The following DOK6 variants were observed in gnomAD, a reference collection of about 807,000 sequenced individuals.
The protein encoded by DOK6 is downstream of tyrosine kinase 6.
A neutral mutation model predicts 44.0 loss-of-function variants in DOK6; 22 were observed. That is an observed-to-expected ratio of 0.50 (90% CI 0.36 to 0.71). DOK6 has a LOEUF of 0.71. Among genes scored for constraint, DOK6 ranks in the 30% least tolerant of loss-of-function variants. DOK6 has a pLI of 0.00. For missense variants in DOK6, 340 were observed against 416.4 expected (o/e 0.82, Z 1.60); for synonymous variants, 166 against 145.5 (o/e 1.14, Z -1.01).
intron 1 of DOK6, among the ~76,000 whole-genome samples, chr18:69,475,673 T>G (rs1026579182): frequency 6.6e-6 from 1 of 152,208 alleles, no homozygotes; most frequent in African/African-American, 2.4e-5. Flanking sequence ...CATTGTTCAC[T>G]TTATATCTTG....
In DOK6 at chr18:69,739,113, C is replaced by T. The variant is rs139161708; in HGVS notation, c.738+10C>T. The stretch of plus-strand genomic sequence containing the variant: ...GGAACAGAAGGCCCGGGTAAGGCCC[C>T]TTCCTTGGTAACCTATCAGCTTGGA... On this transcript the variant is annotated intron_variant, in intron 6 of 7. Transcript: ENST00000382713. The T allele has an allele frequency of 1.1e-3, 1,832 of 1,613,502 alleles. 10 individuals carry two copies. Among genetic ancestry groups the T allele is most frequent in the Middle Eastern group, 4.1e-3 (25 of 6,050 alleles).
intron 7 of DOK6, chr18:69,831,019 T>C (rs576870230): frequency 2.6e-5 from 4 of 152,114 alleles, no homozygotes; most frequent in Non-Finnish European, 1.5e-5. Context: ...CATATAGATA[T>C]ATAAGAGGAG....
intron 3 of DOK6, chr18:69,660,981 T>A (rs1426069907): frequency 6.6e-6 from 1 of 152,208 alleles, no homozygotes; most frequent in Non-Finnish European, 1.5e-5. Flanking sequence ...TACCTGATAT[T>A]TCTTATGCTT....
intron 1 of DOK6, among the ~76,000 whole-genome samples, chr18:69,416,540 T>G (rs1467261695): frequency 6.6e-6 from 1 of 152,066 alleles, no homozygotes; most frequent in Non-Finnish European, 1.5e-5. Context: ...TTCCTAGAAA[T>G]GCAGCAGAAA....
intron 1 of DOK6, among the ~76,000 whole-genome samples, chr18:69,535,999 A>G (rs1253473219): frequency 6.6e-6 from 1 of 152,176 alleles, no homozygotes; most frequent in Non-Finnish European, 1.5e-5. Flanking sequence ...ATAGAGAGAC[A>G]TAGGGAGAAG....
intron 3 of DOK6, among the ~76,000 whole-genome samples, chr18:69,619,210 C>T (rs1286184857): frequency 6.6e-6 from 1 of 152,196 alleles, no homozygotes; most frequent in African/African-American, 2.4e-5. Context: ...TGCATTTTCA[C>T]GGCTGTGACT....
rs573655847 is a variant in DOK6 at position 69,498,899 on chromosome 18, T to C, written c.67-65588T>C. Among the ~76,000 whole-genome samples the C allele has an allele frequency of 6.6e-5, 10 of 152,300 alleles. No homozygotes were observed. The East Asian group carries it at 1.4e-3, about 21-fold the overall frequency. On this transcript the variant is annotated intron_variant, in intron 1 of 7. Transcript: ENST00000382713. ...CCGTGTATCAGGGTGAGTTGTTACA[T>C]TGATTTTACAAATAAAAGAGAAAAT...
At chr18:69,472,595 C>A (rs1385691207) in intron 1 of DOK6, among the ~76,000 whole-genome samples, 1 of 152,158 alleles carries the variant, frequency 6.6e-6, no homozygotes, top group Non-Finnish European at 1.5e-5. Context: ...AGGAAGTTCT[C>A]CAACTATTTC....
intron 3 of DOK6, among the ~76,000 whole-genome samples, chr18:69,602,363 C>G (rs1005171761): frequency 3.9e-5 from 6 of 152,190 alleles, no homozygotes; most frequent in African/African-American, 1.4e-4. Flanking sequence ...TCAGACACAT[C>G]CCAATGAAGG....
At chr18:69,789,820 CTT>C (rs1443751537) in intron 7 of DOK6, among the ~76,000 whole-genome samples, 2 of 152,140 alleles carry the variant, frequency 1.3e-5, no homozygotes, top group African/African-American at 4.8e-5. Context: ...TTTGTAAACA[CTT>C]TTTCTTCTTT....
At chr18:69,544,560 T>G (rs926333800) in intron 1 of DOK6, among the ~76,000 whole-genome samples, 4 of 151,472 alleles carry the variant, frequency 2.6e-5, no homozygotes, top group Non-Finnish European at 5.9e-5. Context: ...TAGCAGGAAG[T>G]GCCTATCAGA....
At chr18:69,722,058 A>G (rs1471219141) in intron 5 of DOK6, among the ~76,000 whole-genome samples, 1 of 152,220 alleles carries the variant, frequency 6.6e-6, no homozygotes, top group Non-Finnish European at 1.5e-5. Context: ...CCCTCAAAAA[A>G]GACGTGGTGT....
chr18:69,618,733 A>G (rs1000843556), intron 3 of DOK6: 1 of 152,210 alleles, frequency 6.6e-6, no homozygotes, highest in African/African-American at 2.4e-5. Context: ...TCGTGATTCA[A>G]TTATCTCCCA....
chr18:69,771,505 T>C (rs892485143), intron 7 of DOK6, among the ~76,000 whole-genome samples: 1 of 152,036 alleles, frequency 6.6e-6, no homozygotes, highest in Non-Finnish European at 1.5e-5. Context: ...TTATACATTA[T>C]ACATATTATA....
At chr18:69,714,981 A>C (rs1986850287) in intron 5 of DOK6, among the ~76,000 whole-genome samples, 1 of 152,226 alleles carries the variant, frequency 6.6e-6, no homozygotes. Context: ...GTTTTTTTGT[A>C]ATAAATACAA....
intron 3 of DOK6, among the ~76,000 whole-genome samples, chr18:69,667,004 C>T (rs988362269): frequency 4.6e-5 from 7 of 152,178 alleles, no homozygotes; most frequent in African/African-American, 1.2e-4. Flanking sequence ...CCCCCCTCCC[C>T]GCCATCCCAA....
intron 1 of DOK6, among the ~76,000 whole-genome samples, chr18:69,518,630 C>G (rs1485490643): frequency 6.6e-6 from 1 of 151,968 alleles, no homozygotes; most frequent in Non-Finnish European, 1.5e-5. Context: ...GTGGGATATG[C>G]AAAAATATTT....
At chr18:69,495,513 C>A (rs1016920020) in intron 1 of DOK6, among the ~76,000 whole-genome samples, 37 of 152,148 alleles carry the variant, frequency 2.4e-4, no homozygotes, top group African/African-American at 8.5e-4. Flanking sequence ...CTGCTCAGCT[C>A]TGGCTGAGCC....
At chr18:69,547,602 A>G (rs1163776207) in intron 1 of DOK6, among the ~76,000 whole-genome samples, 2 of 151,404 alleles carry the variant, frequency 1.3e-5, no homozygotes, top group African/African-American at 2.4e-5. Flanking sequence ...ATTAATTGCT[A>G]TTAACTACAG....
Sources: allele counts gnomAD v4.1 joint callset (sites outside exome capture counted in the v4.1 genomes callset), GRCh38; gene constraint gnomAD v4.1.1; transcripts MANE v1.5; gene names NCBI Gene and HGNC (gene_info 2026-07-23, HGNC 2026-07-21).